Variants in AKR1D1 observed in about 807,000 individuals in gnomAD.
The protein encoded by AKR1D1 is delta(4)-3-ketosteroid 5-beta-reductase.
A neutral mutation model predicts 42.6 loss-of-function variants in AKR1D1; 32 were observed. The ratio of observed to expected loss-of-function variants is 0.75; its 90% confidence interval spans 0.57 to 1.01. The LOEUF (loss-of-function observed/expected upper bound fraction) is 1.01, where lower values mean the gene tolerates loss of function less well. Ranked by LOEUF, AKR1D1 falls within the 50% of genes least tolerant of loss-of-function variation. The pLI is 0.00. For synonymous variants in AKR1D1, 123 were observed against 135.5 expected, an observed-to-expected ratio of 0.91 and a Z score of 0.64; for missense variants, 364 against 402.2, an observed-to-expected ratio of 0.91 and a Z score of 0.81.
At chr7:138,099,725 G>A (rs1794252458) in intron 4 of AKR1D1, among the ~76,000 whole-genome samples, 1 of 151,880 alleles carries the variant, frequency 6.6e-6, no homozygotes, top group Non-Finnish European at 1.5e-5. Flanking sequence ...CAAGAAGGTG[G>A]GCATAGTGGC....
intron 1 of AKR1D1, 150 bp from the exon 2 acceptor site, chr7:138,088,451 C>G: frequency 2.1e-6 from 2 of 959,968 alleles, no homozygotes; most frequent in South Asian, 2.8e-5. Context: ...TCTCCTGCTG[C>G]TGAACACCAT....
chr7:138,076,744 A>T, intron 1 of AKR1D1, 133 bp downstream of exon 1: 1 of 751,788 alleles, frequency 1.3e-6, no homozygotes, highest in Middle Eastern at 3.6e-4. Context: ...CTCAATTTGT[A>T]ATAATGAAAG....
intron 7 of AKR1D1, 23 bp downstream of exon 7, chr7:138,107,603 T>C (rs750801829): frequency 6.2e-7 from 1 of 1,611,854 alleles, no homozygotes. Context: ...CTTTTGGAGA[T>C]GTGAAAAGAT....
At chr7:138,087,893 C>CTTT (rs757196207) in intron 1 of AKR1D1, among the ~76,000 whole-genome samples, 5 of 137,722 alleles carry the variant, frequency 3.6e-5, no homozygotes, top group African/African-American at 1.4e-4. Context: ...CATTTCTTTT[C>CTTT]TTTTTTTTTT....
chr7:138,097,940 G>A lies in AKR1D1; in HGVS notation c.453G>A (p.Trp151Ter), dbSNP rs747110159. The A allele has an allele frequency of 2.5e-6, 4 of 1,608,682 alleles. No individual in the cohort carries two copies. Among genetic ancestry groups the A allele is most frequent in the Non-Finnish European group, 3.4e-6 (4 of 1,175,858 alleles). Residue 151 changes from tryptophan (W) to a stop codon, truncating the protein, a stop_gained, in exon 4 of 9, where the codon TGG (tryptophan) becomes TGA (stop). Coordinates refer to ENST00000242375, the MANE Select transcript of AKR1D1 (RefSeq NM_005989.4). LOFTEE classifies it high-confidence loss of function. ...ACAAGTCAAATCTGTGTGCCACTTG[G>A]GAGGTAAGTTCAAATGTGCTTCTTA... ...LYHKSNLCATWEAMEACKDAG... is the reference protein window; with the variant it reads ...LYHKSNLCAT
At chr7:138,095,978 ATCAC>A (rs1378871937) in intron 3 of AKR1D1, among the ~76,000 whole-genome samples, 1 of 151,626 alleles carries the variant, frequency 6.6e-6, no homozygotes, top group Non-Finnish European at 1.5e-5. Flanking sequence ...AGGCAGGTGG[ATCAC>A]TTGAGCCTAG....
At chr7:138,088,382 C>T (rs1793980671) in intron 1 of AKR1D1, among the ~76,000 whole-genome samples, 1 of 152,122 alleles carries the variant, frequency 6.6e-6, no homozygotes, top group Admixed American at 6.5e-5. Flanking sequence ...AAGCTGAGGG[C>T]AGACCTGGGA....
intron 4 of AKR1D1, 112 bp downstream of exon 4, chr7:138,098,055 AAC>A (rs1271864623): frequency 7.1e-6 from 6 of 848,018 alleles, no homozygotes; most frequent in Admixed American, 1.7e-5. Context: ...AATGAAAAGT[AAC>A]AGTCAGAACA....
At chr7:138,078,278 T>C (rs1277973285) in intron 1 of AKR1D1, among the ~76,000 whole-genome samples, 1 of 152,156 alleles carries the variant, frequency 6.6e-6, no homozygotes, top group Admixed American at 6.5e-5. Flanking sequence ...TGGAACTTCG[T>C]TCTATAGTAA....
intron 4 of AKR1D1, among the ~76,000 whole-genome samples, chr7:138,100,829 C>T (rs181161431): frequency 1.3e-5 from 2 of 150,324 alleles, no homozygotes; most frequent in Admixed American, 1.3e-4. Context: ...CTCAGCCTCC[C>T]GAGTAGCTGG....
chr7:138,088,181 A>G (rs7794061), intron 1 of AKR1D1, among the ~76,000 whole-genome samples: 9,829 of 152,112 alleles, frequency 0.065, 1,060 homozygotes, highest in African/African-American at 0.22. Flanking sequence ...GTGAGCCACC[A>G]CACCAGGCCC....
chr7:138,081,097 C>T (rs1803046878), intron 1 of AKR1D1, among the ~76,000 whole-genome samples: 2 of 152,176 alleles, frequency 1.3e-5, no homozygotes, highest in Non-Finnish European at 1.5e-5. Context: ...CCGTGGATTT[C>T]CAGCCTTACA....
At chr7:138,094,160 G>T (rs1794140041) in intron 3 of AKR1D1, among the ~76,000 whole-genome samples, 1 of 152,070 alleles carries the variant, frequency 6.6e-6, no homozygotes, top group Admixed American at 6.6e-5. Context: ...CCTATAATTG[G>T]GAAATCAATA....
chr7:138,107,604 G>T (rs1386924649), intron 7 of AKR1D1, 24 bp downstream of exon 7: 1 of 1,611,860 alleles, frequency 6.2e-7, no homozygotes, highest in Non-Finnish European at 8.5e-7. Flanking sequence ...TTTTGGAGAT[G>T]TGAAAAGATG....
chr7:138,107,266 A>T, intron 6 of AKR1D1, 149 bp from the exon 7 acceptor site: 1 of 847,494 alleles, frequency 1.2e-6, no homozygotes, highest in South Asian at 1.3e-5. Context: ...TTCAGTGCAT[A>T]CTCTGCACTC....
In AKR1D1 at chr7:138,091,759, T is replaced by G; in HGVS notation, c.262-9T>G. On this transcript the variant is annotated splice_polypyrimidine_tract_variant and intron_variant, in intron 2 of 8. Transcript: ENST00000242375. ...ACATTAGTTAATTCTCCCTCTTTGA[T>G]TCTTTCAGCTATGGGCTACAAATCA... 2 of 1,592,804 alleles carry G rather than the reference T, an allele frequency of 1.3e-6. No individual in the cohort carries two copies. The highest frequency in any genetic ancestry group is 1.7e-4 in the Middle Eastern group (1 of 6,022).
In AKR1D1 at chr7:138,098,571, C is replaced by T. The variant is rs1358429733; in HGVS notation, c.456+628C>T. Reference sequence around the variant, plus strand: ...GTTGCAGTGAGCCGAGATCATGCCACTGCACTCCAGCCTGGGCGACAGAGC... The same window carrying T: ...GTTGCAGTGAGCCGAGATCATGCCATTGCACTCCAGCCTGGGCGACAGAGC... On this transcript the variant is annotated intron_variant, in intron 4 of 8. Coordinates refer to ENST00000242375, the MANE Select transcript of AKR1D1 (RefSeq NM_005989.4). 2.6e-5 allele frequency among the ~76,000 whole-genome samples: 4 copies of T among 152,268 alleles called. No individual in the cohort carries two copies. The East Asian group carries it at 5.8e-4, about 22-fold the overall frequency.
In AKR1D1 at chr7:138,091,735, C is replaced by T. The variant is rs6943935; in HGVS notation, c.262-33C>T. On this transcript the variant is annotated intron_variant, in intron 2 of 8. Coordinates refer to ENST00000242375, the MANE Select transcript of AKR1D1 (RefSeq NM_005989.4). ...TGCCTTATCGTAAAAAGCGTGTAGACATTAGTTAATTCTCCCTCTTTGATT... is the reference window on the plus strand; with the variant it reads ...TGCCTTATCGTAAAAAGCGTGTAGATATTAGTTAATTCTCCCTCTTTGATT... The T allele has an allele frequency of 0.033, 48,222 of 1,470,772 alleles. 943 individuals are homozygous for T. The highest frequency in any genetic ancestry group is 0.067 in the African/African-American group (4,830 of 71,966). 91.1% of individuals were successfully genotyped at this position (1,470,772 alleles called of 1,614,324 possible).
intron 5 of AKR1D1, 127 bp from the exon 6 acceptor site, chr7:138,106,481 A>G (rs1794435019): frequency 2.7e-6 from 2 of 740,542 alleles, no homozygotes; most frequent in Non-Finnish European, 4.8e-6. Flanking sequence ...AGGACACGAA[A>G]TGTATATAGT....
Sources: allele counts gnomAD v4.1 joint callset (sites outside exome capture counted in the v4.1 genomes callset), GRCh38; gene constraint gnomAD v4.1.1; transcripts MANE v1.5; gene names NCBI Gene and HGNC (gene_info 2026-07-23, HGNC 2026-07-21).